VOPP1: variants seen among roughly 807,000 people sequenced by gnomAD.
VOPP1 encodes VOPP1 WW domain binding protein.
Under a neutral mutation model 23.5 loss-of-function variants are expected in VOPP1, and 8 were observed. The ratio of observed to expected loss-of-function variants is 0.34; its 90% CI spans 0.20 to 0.61. The LOEUF is 0.61. VOPP1 is among the 20% of genes least tolerant of loss of function. The probability of loss-of-function intolerance (pLI) is 0.78; values close to 1 mark genes in which losing one functional copy is unlikely to be tolerated. For synonymous variants in VOPP1, 83 were observed against 97.3 expected, an observed-to-expected ratio of 0.85 and a Z score of 0.86; for missense variants, 174 against 238.1, an observed-to-expected ratio of 0.73 and a Z score of 1.77.
At chr7:55,469,938 G>A (rs955174651), downstream of VOPP1, among the ~76,000 whole-genome samples, 43 of 152,232 alleles carry the variant, frequency 2.8e-4, no homozygotes, top group African/African-American at 7.5e-4. Context: ...GTAATCCCAC[G>A]GCTTTGGGAA....
intron 4 of VOPP1, among the ~76,000 whole-genome samples, chr7:55,489,829 G>A (rs1001528606): frequency 6.6e-5 from 10 of 152,136 alleles, no homozygotes; most frequent in Non-Finnish European, 1.3e-4. Context: ...ACACAGCCCC[G>A]TGGGGAGCCC....
At chr7:55,451,086 A>G (rs1209602985) in intron 4 of VOPP1, among the ~76,000 whole-genome samples, 1 of 152,128 alleles carries the variant, frequency 6.6e-6, no homozygotes, top group African/African-American at 2.4e-5. Context: ...ATTCAACAGG[A>G]CTCAAATCTA....
At chr7:55,562,544 C>T (rs562627638) in intron 1 of VOPP1, among the ~76,000 whole-genome samples, 5 of 152,298 alleles carry the variant, frequency 3.3e-5, no homozygotes, top group Admixed American at 1.3e-4. Context: ...AACAGCAAGA[C>T]AGACTGACCT....
intron 2 of VOPP1, among the ~76,000 whole-genome samples, chr7:55,500,050 C>T (rs180914874): frequency 6.6e-6 from 1 of 152,216 alleles, no homozygotes; most frequent in East Asian, 1.9e-4. Context: ...AGAGGTGGGA[C>T]CGTTTCCTCT....
chr7:55,544,832 G>T (rs1037176991), intron 1 of VOPP1, among the ~76,000 whole-genome samples: 2 of 152,172 alleles, frequency 1.3e-5, no homozygotes, highest in Admixed American at 1.3e-4. Flanking sequence ...CAATAAAAGC[G>T]CAATTTTAGT....
intron 2 of VOPP1, among the ~76,000 whole-genome samples, chr7:55,512,508 C>T (rs1050469869): frequency 6.6e-6 from 1 of 152,172 alleles, no homozygotes; most frequent in Non-Finnish European, 1.5e-5. Context: ...GTGAAAATTT[C>T]TCCCTGTTAT....
intron 1 of VOPP1, among the ~76,000 whole-genome samples, chr7:55,522,144 C>G (rs1326202369): frequency 2.0e-5 from 3 of 152,192 alleles, no homozygotes; most frequent in African/African-American, 4.8e-5. Flanking sequence ...TCCCTCCTAG[C>G]CTGTCCGCAG....
intron 3 of VOPP1, chr7:55,493,173 T>C (rs148794649): frequency 9.2e-5 from 14 of 152,348 alleles, no homozygotes; most frequent in African/African-American, 3.4e-4. Context: ...CATGAATGGC[T>C]TCCTTCCATT....
intron 1 of VOPP1, among the ~76,000 whole-genome samples, chr7:55,549,718 T>C (rs1177378744): frequency 6.6e-6 from 1 of 152,204 alleles, no homozygotes; most frequent in African/African-American, 2.4e-5. Flanking sequence ...TAAGCTCATC[T>C]ACATCCTTTC....
At chr7:55,453,495 C>G (rs916372804) in intron 4 of VOPP1, among the ~76,000 whole-genome samples, 3 of 152,256 alleles carry the variant, frequency 2.0e-5, no homozygotes, top group Non-Finnish European at 4.4e-5. Flanking sequence ...GGGTTACTAA[C>G]TAGCCTAATT....
At chr7:55,439,564 G>A (rs764968767) in intron 4 of VOPP1, among the ~76,000 whole-genome samples, 1 of 152,200 alleles carries the variant, frequency 6.6e-6, no homozygotes, top group Non-Finnish European at 1.5e-5. Context: ...GAAAGAAGGG[G>A]TGATATAACA....
At chr7:55,532,844 T>C (rs1017565139) in intron 1 of VOPP1, among the ~76,000 whole-genome samples, 3 of 152,212 alleles carry the variant, frequency 2.0e-5, no homozygotes, top group African/African-American at 7.2e-5. Context: ...TCTAGTAATA[T>C]GCATTTTCAT....
chr7:55,473,661 C>T (rs993598534), intron 4 of VOPP1, among the ~76,000 whole-genome samples: 1 of 152,208 alleles, frequency 6.6e-6, no homozygotes, highest in African/African-American at 2.4e-5. Context: ...AGGCTGGACA[C>T]CCGACCCCAA....
intron 1 of VOPP1, among the ~76,000 whole-genome samples, chr7:55,556,699 T>C (rs932671841): frequency 2.0e-5 from 3 of 151,334 alleles, no homozygotes; most frequent in Admixed American, 2.0e-4. Context: ...CACATATGGT[T>C]ACAATTTATG....
At chr7:55,478,849 T>TGGG (rs1400833825) in intron 4 of VOPP1, among the ~76,000 whole-genome samples, 2 of 152,192 alleles carry the variant, frequency 1.3e-5, no homozygotes, top group East Asian at 3.8e-4. Flanking sequence ...CCAAATAAAT[T>TGGG]ACACAATGTG....
chr7:55,534,559 C>T (rs1348507653), intron 1 of VOPP1, among the ~76,000 whole-genome samples: 2 of 152,204 alleles, frequency 1.3e-5, no homozygotes, highest in Non-Finnish European at 2.9e-5. Context: ...GCAATTTCCC[C>T]AATTCTGACT....
chr7:55,509,336 G>T (rs1330337597), intron 2 of VOPP1, among the ~76,000 whole-genome samples: 1 of 152,176 alleles, frequency 6.6e-6, no homozygotes, highest in Non-Finnish European at 1.5e-5. Context: ...AGGCTGGGAT[G>T]CCCAGGATCA....
At chr7:55,451,191 C>T (rs894421998) in intron 4 of VOPP1, among the ~76,000 whole-genome samples, 2 of 152,126 alleles carry the variant, frequency 1.3e-5, no homozygotes, top group Non-Finnish European at 1.5e-5. Flanking sequence ...GCCCCTTCCA[C>T]ACAGGCACAG....
At position 55,471,466 on chromosome 7, in the gene VOPP1, C is replaced by T. The variant is rs1284979774; in HGVS notation, c.*1389G>A. On this transcript the variant is annotated 3_prime_UTR_variant, in exon 5 of 5. Coordinates refer to ENST00000285279, the MANE Select transcript of VOPP1 (RefSeq NM_030796.5). ...ATGAGTAACAATTTCTCAAGAGGCT[C>T]TGATTAGTTCATTAAAAAATAAGCA... 1 of 152,242 alleles carries T rather than the reference C, an allele frequency of 6.6e-6. No homozygotes were observed. 9.4% of individuals were successfully genotyped at this position (152,242 alleles called of 1,614,324 possible).
Sources: allele counts gnomAD v4.1 joint callset (sites outside exome capture counted in the v4.1 genomes callset), GRCh38; gene constraint gnomAD v4.1.1; transcripts MANE v1.5; gene names NCBI Gene and HGNC (gene_info 2026-07-23, HGNC 2026-07-21).